THSD7A: variants seen among roughly 807,000 people sequenced by gnomAD.
THSD7A encodes the protein thrombospondin type-1 domain-containing protein 7A.
THSD7A carries 96 observed loss-of-function variants against 231.3 expected under a neutral mutation model. That is an observed-to-expected ratio of 0.41 (90% confidence interval 0.35 to 0.49). THSD7A has a LOEUF of 0.49. THSD7A is among the 20% of genes least tolerant of loss of function. The pLI, the probability that THSD7A is intolerant of heterozygous loss-of-function variation, is 0.05. For synonymous variants in THSD7A, 940 were observed against 743.3 expected, an observed-to-expected ratio of 1.26 and a Z score of -4.30; for missense variants, 2,290 against 2,070.2, an observed-to-expected ratio of 1.11 and a Z score of -2.06.
chr7:11,722,377 T>C (rs951539022), intron 1 of THSD7A, among the ~76,000 whole-genome samples: 1 of 151,864 alleles, frequency 6.6e-6, no homozygotes, highest in Non-Finnish European at 1.5e-5. Flanking sequence ...ATTTGTTACT[T>C]TTCCAATTGC....
At chr7:11,501,396 C>A (rs1014762134) in intron 6 of THSD7A, among the ~76,000 whole-genome samples, 1 of 152,182 alleles carries the variant, frequency 6.6e-6, no homozygotes, top group Non-Finnish European at 1.5e-5. Context: ...CAGTCCTCAA[C>A]AAATGTAAAG....
intron 13 of THSD7A, among the ~76,000 whole-genome samples, chr7:11,440,279 C>T (rs896212787): frequency 8.6e-5 from 13 of 152,042 alleles, no homozygotes; most frequent in Non-Finnish European, 1.5e-4. Context: ...CGCATGTAGT[C>T]ATCTAAGAGC....
rs530818646 is a variant in THSD7A at position 11,802,557 on chromosome 7, T to C, written c.190+29200A>G. 1.8e-4 allele frequency among the ~76,000 whole-genome samples: 28 copies of C among 152,212 alleles called. No individual in the cohort carries two copies. The South Asian group carries it at 5.8e-3, about 32-fold the overall frequency. The stretch of plus-strand genomic sequence containing the variant: ...AATCAGAATAAATAACAGAGAAGGA[T>C]AGAGAGACAGAGGTTGAGTTAAGAG... On this transcript the variant is annotated intron_variant, in intron 1 of 27. Coordinates refer to ENST00000423059, the MANE Select transcript of THSD7A (RefSeq NM_015204.3).
chr7:11,508,023 G>A (rs933651720), intron 6 of THSD7A, among the ~76,000 whole-genome samples: 4 of 152,154 alleles, frequency 2.6e-5, no homozygotes, highest in Non-Finnish European at 4.4e-5. Flanking sequence ...TGTGTTACAT[G>A]GTGGCAGGAG....
chr7:11,572,274 T>G (rs1790670244), intron 4 of THSD7A, among the ~76,000 whole-genome samples: 1 of 152,186 alleles, frequency 6.6e-6, no homozygotes, highest in Non-Finnish European at 1.5e-5. Flanking sequence ...TGATTTGTCC[T>G]CAAGATCAAC....
intron 1 of THSD7A, among the ~76,000 whole-genome samples, chr7:11,669,397 A>C (rs1004438280): frequency 6.6e-6 from 1 of 152,010 alleles, no homozygotes; most frequent in Non-Finnish European, 1.5e-5. Flanking sequence ...GAAACAAAGA[A>C]TAAGATGCTT....
At chr7:11,508,559 A>G (rs1287334590) in intron 6 of THSD7A, among the ~76,000 whole-genome samples, 1 of 152,252 alleles carries the variant, frequency 6.6e-6, no homozygotes, top group Non-Finnish European at 1.5e-5. Context: ...AATTAAAAAT[A>G]CAACTACTAC....
chr7:11,376,249 G>C (rs1265191877), intron 27 of THSD7A, among the ~76,000 whole-genome samples: 1 of 151,980 alleles, frequency 6.6e-6, no homozygotes, highest in African/African-American at 2.4e-5. Flanking sequence ...AATATGATTA[G>C]GTATTACTGT....
chr7:11,676,263 C>T (rs984457664), intron 1 of THSD7A, among the ~76,000 whole-genome samples: 3 of 152,102 alleles, frequency 2.0e-5, no homozygotes, highest in African/African-American at 7.2e-5. Context: ...ATCTGAAGGT[C>T]ACCAACAGCA....
chr7:11,435,693 T>C (rs1243559970), intron 13 of THSD7A, among the ~76,000 whole-genome samples: 1 of 152,098 alleles, frequency 6.6e-6, no homozygotes, highest in Non-Finnish European at 1.5e-5. Flanking sequence ...TTCGAGCTGG[T>C]TCTGATTTGT....
Position 11,510,331 on chromosome 7 carries a change from A to T in THSD7A, c.1823-28349T>A, listed in dbSNP as rs185832832. On this transcript the variant is annotated intron_variant, in intron 6 of 27. Transcript: ENST00000423059. ...CTGGACCAGACGGATTCACAGCCGAATTCTACCAGATGTACAAAGAGGAGC... is the reference window on the plus strand; with the variant it reads ...CTGGACCAGACGGATTCACAGCCGATTTCTACCAGATGTACAAAGAGGAGC... 5.3e-5 allele frequency among the ~76,000 whole-genome samples: 8 copies of T among 152,330 alleles called. No homozygotes were observed. The East Asian group carries it at 1.5e-3, about 29-fold the overall frequency.
chr7:11,801,129 A>T (rs1784262715), intron 1 of THSD7A, among the ~76,000 whole-genome samples: 1 of 151,946 alleles, frequency 6.6e-6, no homozygotes, highest in Admixed American at 6.6e-5. Flanking sequence ...AGGAGACCCC[A>T]TTTCAAAAAA....
intron 13 of THSD7A, among the ~76,000 whole-genome samples, chr7:11,432,118 CATGTTAAAAA>C (rs1784494654): frequency 6.6e-6 from 1 of 152,054 alleles, no homozygotes; most frequent in South Asian, 2.1e-4. Flanking sequence ...ATCTGAGACA[CATGTTAAAAA>C]CATAAGCTTC....
chr7:11,696,900 T>C (rs190726140), intron 1 of THSD7A, among the ~76,000 whole-genome samples: 1 of 151,514 alleles, frequency 6.6e-6, no homozygotes, highest in East Asian at 2.0e-4. Flanking sequence ...TCTAACTGAT[T>C]ATGGCCATGA....
chr7:11,407,359 T>G lies in THSD7A; in HGVS notation c.3863A>C (p.Gln1288Pro). 1 of 1,613,808 alleles carries G rather than the reference T, an allele frequency of 6.2e-7. No individual in the cohort carries two copies. Among genetic ancestry groups the G allele is most frequent in the Non-Finnish European group, 8.5e-7 (1 of 1,179,838 alleles). Reference sequence around the variant, plus strand: ...TGACCAAGGAGACCAATCAGAAAGCTGACAGTTCACAGGGCATTCCACCAT... The same window carrying G: ...TGACCAAGGAGACCAATCAGAAAGCGGACAGTTCACAGGGCATTCCACCAT... ...SCMVECPVNCQLSDWSPWSEC... is the reference protein window; with the variant it reads ...SCMVECPVNCPLSDWSPWSEC... The change falls in exon 20 of 28, where the codon CAG becomes CCG. Residue 1288 changes from glutamine to proline, a missense_variant. Transcript: ENST00000423059.
At position 11,412,679 on chromosome 7, in the gene THSD7A, T is replaced by A. The variant is rs775349790; in HGVS notation, c.3659A>T (p.Tyr1220Phe). ...ACCTGTTACATTATAATCATAGTGG[T>A]AGCAGTTTTTGTTCAGGTTACAGGG... is the stretch of plus-strand genomic sequence containing the variant. ...KEPCNLNKNC[Y>F]HYDYNVTDWS... is the part of the protein sequence containing the mutation. Residue 1220 changes from tyrosine to phenylalanine, a missense_variant, in exon 18 of 28, where the codon TAC becomes TTC. By Grantham distance (22) the Tyr-to-Phe change is conservative. Transcript: ENST00000423059. 3 of 1,613,712 alleles carry A rather than the reference T, an allele frequency of 1.9e-6. No homozygotes were observed. The highest frequency in any genetic ancestry group is 2.5e-6 in the Non-Finnish European group (3 of 1,179,812).
intron 9 of THSD7A, 92 bp from the exon 10 acceptor site, chr7:11,462,235 G>C: frequency 7.2e-7 from 1 of 1,389,508 alleles, no homozygotes; most frequent in Non-Finnish European, 9.7e-7. Flanking sequence ...ATTGCCTCCA[G>C]CTACATGTGC....
intron 17 of THSD7A, among the ~76,000 whole-genome samples, chr7:11,415,697 C>A (rs987747089): frequency 6.6e-6 from 1 of 152,180 alleles, no homozygotes; most frequent in African/African-American, 2.4e-5. Context: ...TCCTAAGTGC[C>A]TTCCCCCATT....
At chr7:11,620,908 T>C (rs1014959795) in intron 2 of THSD7A, among the ~76,000 whole-genome samples, 3 of 152,124 alleles carry the variant, frequency 2.0e-5, no homozygotes, top group South Asian at 2.1e-4. Flanking sequence ...AGCAACAATA[T>C]AGGACAACTG....
Sources: allele counts gnomAD v4.1 joint callset (sites outside exome capture counted in the v4.1 genomes callset), GRCh38; gene constraint gnomAD v4.1.1; transcripts MANE v1.5; gene names NCBI Gene and HGNC (gene_info 2026-07-23, HGNC 2026-07-21).